The following CHN1 variants were observed in gnomAD, a reference collection of about 807,000 sequenced individuals.
CHN1 encodes the protein chimerin 1.
A neutral mutation model predicts 59.5 loss-of-function variants in CHN1; 37 were observed. The ratio of observed to expected loss-of-function variants is 0.62; its 90% CI spans 0.48 to 0.82. CHN1 has a LOEUF of 0.82. Ranked by LOEUF, CHN1 falls within the 40% of genes least tolerant of loss-of-function variation. The pLI, the probability that CHN1 is intolerant of heterozygous loss-of-function variation, is 0.00. For synonymous variants in CHN1, 206 were observed against 200.4 expected (o/e 1.03, Z -0.24); for missense variants, 469 against 571.0 (o/e 0.82, Z 1.82).
intron 1 of CHN1, among the ~76,000 whole-genome samples, chr2:175,004,405 T>C (rs1007876936): frequency 3.3e-5 from 5 of 152,170 alleles, no homozygotes; most frequent in African/African-American, 9.7e-5. Flanking sequence ...TCACAAATCA[T>C]ACTTATTTCC....
In CHN1 at chr2:174,812,367, T is replaced by A; in HGVS notation, c.828A>T (p.Ala276=). 6.2e-7 allele frequency: 1 copy of A among 1,614,032 alleles called. No individual in the cohort carries two copies. ...CCACCATTGGCCGCTTAGTGGTATG[T>A]GCTTTCACGAGCGTCGTAAGGTCAC... ...YSCDLTTLVK[A]HTTKRPMVVD... is the part of the protein sequence containing the mutation. Residue 276 remains alanine, a synonymous_variant, in exon 9 of 13, where the codon GCA becomes GCT. Coordinates refer to ENST00000409900, the MANE Select transcript of CHN1 (RefSeq NM_001822.7).
intron 7 of CHN1, among the ~76,000 whole-genome samples, chr2:174,834,253 C>A (rs771838109): frequency 1.3e-5 from 2 of 152,182 alleles, no homozygotes; most frequent in Non-Finnish European, 2.9e-5. Context: ...GTATAAACTA[C>A]ATAATATATT....
At chr2:174,893,276 A>C (rs1279272904) in intron 5 of CHN1, among the ~76,000 whole-genome samples, 1 of 152,236 alleles carries the variant, frequency 6.6e-6, no homozygotes, top group East Asian at 1.9e-4. Flanking sequence ...GTAAAACTGC[A>C]GGATACAAAC....
At chr2:174,850,097 A>G (rs1468940073) in intron 6 of CHN1, among the ~76,000 whole-genome samples, 3 of 152,122 alleles carry the variant, frequency 2.0e-5, no homozygotes, top group Non-Finnish European at 4.4e-5. Flanking sequence ...CAATTCAAAC[A>G]CCCCCTCCTA....
chr2:174,842,502 A>C (rs1363864565), intron 7 of CHN1, among the ~76,000 whole-genome samples: 1 of 152,212 alleles, frequency 6.6e-6, no homozygotes, highest in African/African-American at 2.4e-5. Context: ...TAGAGCTGTA[A>C]GAGAACCCTT....
rs1011697044 is a variant in CHN1 at position 174,870,138 on chromosome 2, C to T, written c.549+7702G>A. Among the ~76,000 whole-genome samples the T allele has an allele frequency of 3.3e-5, 5 of 152,162 alleles. No homozygotes were observed. In the East Asian group the frequency reaches 5.8e-4, roughly 18 times the overall value. On this transcript the variant is annotated intron_variant, in intron 6 of 12. Transcript: ENST00000409900. ...TTCACTGAATGGTGTTAGAAGCTAA[C>T]GAAATGAAGGATAATAAGGCTGATT...
intron 1 of CHN1, among the ~76,000 whole-genome samples, chr2:174,981,970 C>T (rs1039830153): frequency 2.0e-5 from 3 of 152,144 alleles, no homozygotes; most frequent in African/African-American, 2.4e-5. Flanking sequence ...CGACAGGCCC[C>T]GGTGTGTGAT....
intron 7 of CHN1, among the ~76,000 whole-genome samples, chr2:174,829,206 C>T (rs533538053): frequency 6.6e-6 from 1 of 152,328 alleles, no homozygotes; most frequent in African/African-American, 2.4e-5. Flanking sequence ...ACATTAACTT[C>T]TCTGTTAAAA....
intron 11 of CHN1, among the ~76,000 whole-genome samples, chr2:174,804,853 T>C (rs935553793): frequency 1.8e-4 from 27 of 152,230 alleles, no homozygotes; most frequent in Admixed American, 1.4e-3. Context: ...GGTGTTCAGG[T>C]AGAGGACATT....
chr2:174,959,471 A>G (rs1254356039), intron 1 of CHN1, among the ~76,000 whole-genome samples: 1 of 152,182 alleles, frequency 6.6e-6, no homozygotes, highest in East Asian at 1.9e-4. Flanking sequence ...AAGTGCCTCA[A>G]TCTCTTGATA....
At chr2:174,929,991 CCCT>C (rs1339189357) in intron 3 of CHN1, among the ~76,000 whole-genome samples, 1 of 152,154 alleles carries the variant, frequency 6.6e-6, no homozygotes, top group Non-Finnish European at 1.5e-5. Context: ...TCAAGCCCTG[CCCT>C]AACAGGGTTC....
At chr2:174,874,830 G>T (rs1468057974) in intron 6 of CHN1, among the ~76,000 whole-genome samples, 4 of 151,510 alleles carry the variant, frequency 2.6e-5, no homozygotes, top group Non-Finnish European at 4.4e-5. Flanking sequence ...CGCAGAGAAG[G>T]CCTATAGAAA....
At chr2:174,938,000 C>A (rs1191496997) in intron 3 of CHN1, among the ~76,000 whole-genome samples, 1 of 152,046 alleles carries the variant, frequency 6.6e-6, no homozygotes, top group Non-Finnish European at 1.5e-5. Context: ...ACAAAATGAA[C>A]TAACACAGTA....
At chr2:174,836,423 T>C (rs1200616616) in intron 7 of CHN1, among the ~76,000 whole-genome samples, 2 of 152,220 alleles carry the variant, frequency 1.3e-5, no homozygotes, top group African/African-American at 2.4e-5. Flanking sequence ...GTGACTTTAA[T>C]AGGCTTCAGT....
At chr2:174,914,703 CG>C (rs1688795467) in intron 5 of CHN1, among the ~76,000 whole-genome samples, 1 of 150,416 alleles carries the variant, frequency 6.6e-6, no homozygotes, top group African/African-American at 2.5e-5. Flanking sequence ...ATTAGCTGGG[CG>C]TAGTGGCACA....
chr2:174,893,285 A>G (rs1688110779), intron 5 of CHN1, among the ~76,000 whole-genome samples: 1 of 152,208 alleles, frequency 6.6e-6, no homozygotes, highest in African/African-American at 2.4e-5. Flanking sequence ...CAGGATACAA[A>G]CATCAACATG....
In CHN1 at chr2:174,877,841, C is replaced by T. The variant is rs1396916213; in HGVS notation, c.548G>A (p.Arg183Lys). 1.2e-6 allele frequency: 2 copies of T among 1,610,156 alleles called. No individual in the cohort carries two copies. Among genetic ancestry groups the T allele is most frequent in the Non-Finnish European group, 1.7e-6 (2 of 1,177,800 alleles). Residue 183 changes from arginine (R) to lysine (K), a missense_variant and splice_region_variant, in exon 6 of 13, where the codon AGG becomes AAG. Physicochemically the swap from Arg to Lys is conservative, Grantham distance 26. Coordinates refer to ENST00000409900, the MANE Select transcript of CHN1 (RefSeq NM_001822.7). Reference sequence around the variant, plus strand: ...AAGTGTGGTTTCATAGTAGCTTACCCTTTTCTCTGACACCCCATCCTGGCC... The same window carrying T: ...AAGTGTGGTTTCATAGTAGCTTACCTTTTTCTCTGACACCCCATCCTGGCC... The part of the protein sequence containing the change: ...STGQDGVSEK[R>K]LTSLVRRATL...
chr2:174,916,596 G>A (rs1193966226), intron 4 of CHN1, among the ~76,000 whole-genome samples: 2 of 152,186 alleles, frequency 1.3e-5, no homozygotes, highest in Admixed American at 1.3e-4. Context: ...CTAGGGGCAA[G>A]AGGAAATTTT....
At chr2:174,967,914 G>A (rs1690644277) in intron 1 of CHN1, among the ~76,000 whole-genome samples, 1 of 152,184 alleles carries the variant, frequency 6.6e-6, no homozygotes, top group Admixed American at 6.5e-5. Context: ...CTTGGAACAG[G>A]AATCGATCAT....
Sources: gnomAD v4.1 joint callset for allele counts (sites outside exome capture counted in the v4.1 genomes callset) on GRCh38, gnomAD v4.1.1 for gene constraint, MANE v1.5 for transcripts, NCBI Gene and HGNC (gene_info 2026-07-23, HGNC 2026-07-21) for gene names.